Variants in ADAM32 observed in about 807,000 individuals in gnomAD.
ADAM32 encodes disintegrin and metalloproteinase domain-containing protein 32.
In ADAM32, 89 loss-of-function variants were observed where a neutral mutation model predicts 114.9. The ratio of observed to expected loss-of-function variants is 0.77; its 90% CI spans 0.65 to 0.92. ADAM32 has a LOEUF of 0.92. ADAM32 is among the 40% of genes least tolerant of loss of function. The probability of loss-of-function intolerance (pLI) is 0.00; values close to 1 mark genes in which losing one functional copy is unlikely to be tolerated. For missense variants in ADAM32, 870 were observed against 932.8 expected, an observed-to-expected ratio of 0.93 and a Z score of 0.88; for synonymous variants, 285 against 307.5, an observed-to-expected ratio of 0.93 and a Z score of 0.77.
chr8:39,188,035 A>G (rs1806363717), intron 11 of ADAM32, among the ~76,000 whole-genome samples: 1 of 152,154 alleles, frequency 6.6e-6, no homozygotes, highest in Non-Finnish European at 1.5e-5. Flanking sequence ...GTAACCTATC[A>G]TAGGTTAAAA....
chr8:39,172,416 C>A (rs1287930837), intron 10 of ADAM32, among the ~76,000 whole-genome samples: 1 of 152,112 alleles, frequency 6.6e-6, no homozygotes, highest in African/African-American at 2.4e-5. Context: ...GTTTTCTGCA[C>A]CTATCAACCT....
intron 1 of ADAM32, among the ~76,000 whole-genome samples, chr8:39,113,277 A>G (rs1840239752): frequency 6.6e-6 from 1 of 152,216 alleles, no homozygotes; most frequent in African/African-American, 2.4e-5. Context: ...GACTGCAGCC[A>G]CATGAGTAAC....
Position 39,160,960 on chromosome 8 carries a change from A to G in ADAM32, c.589A>G (p.Thr197Ala). 3 of 1,589,542 alleles carry G rather than the reference A, an allele frequency of 1.9e-6. No individual in the cohort carries two copies. Among genetic ancestry groups the G allele is most frequent in the Non-Finnish European group, 2.6e-6 (3 of 1,168,456 alleles). The change falls in exon 7 of 25, where the codon ACT becomes GCT. Residue 197 changes from threonine to alanine, a missense_variant. Coordinates refer to ENST00000379907, the MANE Select transcript of ADAM32 (RefSeq NM_145004.7). ...AGAAATGCATATTGTGGTGGACAAAACTTTGGTATGTGTTTTGCTTTTTCT... is the reference window on the plus strand; with the variant it reads ...AGAAATGCATATTGTGGTGGACAAAGCTTTGGTATGTGTTTTGCTTTTTCT... Reference protein sequence around the residue: ...YLEMHIVVDKTLYDYWGSDSM... With the variant: ...YLEMHIVVDKALYDYWGSDSM...
intron 3 of ADAM32, 80 bp from the exon 4 acceptor site, chr8:39,147,050 G>A: frequency 1.8e-6 from 1 of 554,998 alleles, no homozygotes; most frequent in Non-Finnish European, 2.5e-6. Context: ...TCAGATTTTG[G>A]CTGAGAGTGT....
intron 5 of ADAM32, 67 bp downstream of exon 5, chr8:39,149,934 T>G: frequency 7.3e-7 from 1 of 1,364,294 alleles, no homozygotes. Context: ...ATTTGTTCTC[T>G]TTGTATTAAG....
chr8:39,269,075 C>T (rs747733700), intron 19 of ADAM32, among the ~76,000 whole-genome samples: 56 of 152,318 alleles, frequency 3.7e-4, no homozygotes, highest in Non-Finnish European at 6.6e-4. Flanking sequence ...ATGCAAGAGG[C>T]GAGGGAGGGG....
rs574715095 is a variant in ADAM32 at position 39,267,250 on chromosome 8, G to A, written c.2163-3626G>A. On this transcript the variant is annotated intron_variant, in intron 19 of 24. Coordinates refer to ENST00000379907, the MANE Select transcript of ADAM32 (RefSeq NM_145004.7). ...CTGTGCTGGTGGGGAAAGGCTGCAG[G>A]CTGGTATCCCAGACTACTACTAATC... Among the ~76,000 whole-genome samples, 3 of 152,300 alleles carry A rather than the reference G, an allele frequency of 2.0e-5. No homozygotes were observed. The East Asian group carries it at 5.8e-4, about 29-fold the overall frequency.
At chr8:39,177,487 T>G (rs1011498239) in intron 10 of ADAM32, among the ~76,000 whole-genome samples, 1 of 152,218 alleles carries the variant, frequency 6.6e-6, no homozygotes, top group African/African-American at 2.4e-5. Context: ...GCATTTAGCC[T>G]ATTTACATTT....
intron 20 of ADAM32, among the ~76,000 whole-genome samples, chr8:39,272,998 T>C (rs1052657218): frequency 2.0e-5 from 3 of 152,198 alleles, no homozygotes; most frequent in Admixed American, 6.5e-5. Flanking sequence ...CCTTGGTCTA[T>C]GCAGGGTCAA....
At chr8:39,252,796 C>T (rs1379200766) in intron 17 of ADAM32, among the ~76,000 whole-genome samples, 2 of 151,482 alleles carry the variant, frequency 1.3e-5, no homozygotes, top group East Asian at 1.9e-4. Flanking sequence ...TATACACCAA[C>T]AAGTTGGATA....
chr8:39,174,029 T>G (rs1805359323), intron 10 of ADAM32, among the ~76,000 whole-genome samples: 1 of 152,192 alleles, frequency 6.6e-6, no homozygotes, highest in Admixed American at 6.5e-5. Flanking sequence ...TTCACTGTGT[T>G]GGTCAGGCTG....
Position 39,165,520 on chromosome 8 carries a change from C to A in ADAM32, c.833+324C>A, listed in dbSNP as rs534941063. 114 of 177,384 alleles carry A rather than the reference C, an allele frequency of 6.4e-4. 1 individual carries two copies. Among genetic ancestry groups the A allele is most frequent in the African/African-American group, 2.6e-3 (109 of 42,716 alleles). The allele number at this position is 177,384 out of a possible 1,614,324, so 11.0% of individuals were successfully genotyped here. On this transcript the variant is annotated intron_variant, in intron 9 of 24. Transcript: ENST00000379907. The stretch of plus-strand genomic sequence containing the variant: ...CTAGAGCCAAAACTCTTAACCACTA[C>A]TTAAAGAGATGGGATTTATCTTGAG...
chr8:39,209,821 T>C (rs1377942179), intron 11 of ADAM32, among the ~76,000 whole-genome samples: 1 of 152,202 alleles, frequency 6.6e-6, no homozygotes, highest in African/African-American at 2.4e-5. Context: ...ACTTCCTTTT[T>C]CTTCCCCTAG....
chr8:39,248,183 C>A (rs1811052604), intron 17 of ADAM32, among the ~76,000 whole-genome samples: 1 of 152,030 alleles, frequency 6.6e-6, no homozygotes. Context: ...ATCTTTTGTG[C>A]CTCCATAGAA....
chr8:39,240,273 AC>A (rs1298365587), intron 16 of ADAM32, among the ~76,000 whole-genome samples: 2 of 152,150 alleles, frequency 1.3e-5, no homozygotes, highest in Non-Finnish European at 2.9e-5. Context: ...TCCAAAAGAA[AC>A]CCTCAAAACC....
chr8:39,127,829 C>T (rs1802209354), intron 2 of ADAM32, among the ~76,000 whole-genome samples: 1 of 152,034 alleles, frequency 6.6e-6, no homozygotes, highest in African/African-American at 2.4e-5. Flanking sequence ...CTATAAATCT[C>T]CCTCTTAAAA....
intron 19 of ADAM32, among the ~76,000 whole-genome samples, chr8:39,267,722 ACT>A (rs1812455170): frequency 6.6e-6 from 1 of 152,330 alleles, no homozygotes; most frequent in East Asian, 1.9e-4. Flanking sequence ...TGTCCCTGCT[ACT>A]GTGTCATGCC....
Position 39,211,337 on chromosome 8 carries a change from A to T in ADAM32, c.1233+13A>T, listed in dbSNP as rs749244158. 11 of 1,460,888 alleles carry T rather than the reference A, an allele frequency of 7.5e-6. No homozygotes were observed. The highest frequency in any genetic ancestry group is 9.9e-6 in the Non-Finnish European group (11 of 1,107,144). 90.5% of individuals were successfully genotyped at this position (1,460,888 alleles called of 1,614,324 possible). A position where few individuals can be genotyped will look rare whatever the true frequency, so the allele number is the denominator to read the frequency against. Reference sequence around the variant, plus strand: ...TGGTACTGAGGCTGTAAGTATGATAACTAGGAAAATTGATTAATAAATTTA... The same window carrying T: ...TGGTACTGAGGCTGTAAGTATGATATCTAGGAAAATTGATTAATAAATTTA... On this transcript the variant is annotated intron_variant, in intron 12 of 24. Transcript: ENST00000379907.
intron 11 of ADAM32, among the ~76,000 whole-genome samples, chr8:39,188,985 A>ATAAG (rs1806426294): frequency 6.6e-6 from 1 of 152,160 alleles, no homozygotes; most frequent in Admixed American, 6.5e-5. Context: ...GCCCTGGAGT[A>ATAAG]TAAGTAGCTG....
Sources: allele counts gnomAD v4.1 joint callset (sites outside exome capture counted in the v4.1 genomes callset), GRCh38; gene constraint gnomAD v4.1.1; transcripts MANE v1.5; gene names NCBI Gene and HGNC (gene_info 2026-07-23, HGNC 2026-07-21).